The following PCSK2 variants were observed in gnomAD, a reference collection of about 807,000 sequenced individuals.
PCSK2 encodes the protein proprotein convertase subtilisin/kexin type 2, also known as neuroendocrine convertase 2.
In PCSK2, 14 loss-of-function variants were observed where a neutral mutation model predicts 69.7. That is an observed-to-expected ratio of 0.20 (90% CI 0.13 to 0.31). The LOEUF (loss-of-function observed/expected upper bound fraction) is 0.31. Among genes scored for constraint, PCSK2 ranks in the 10% least tolerant of loss-of-function variants. The pLI, the probability that PCSK2 is intolerant of heterozygous loss-of-function variation, is 1.00. For missense variants in PCSK2, 544 were observed against 842.5 expected, an observed-to-expected ratio of 0.65 and a Z score of 4.39; for synonymous variants, 307 against 320.7, an observed-to-expected ratio of 0.96 and a Z score of 0.46.
Position 17,268,031 on chromosome 20 carries a change from G to GTATATATATATATATA in PCSK2, c.282+7688_282+7689insATATATATATATATAT, listed in dbSNP as rs750234336. Among the ~76,000 whole-genome samples the GTATATATATATATATA allele has an allele frequency of 6.7e-3, 784 of 117,666 alleles. 19 individuals carry two copies. The highest frequency in any genetic ancestry group is 8.3e-3 in the African/African-American group (284 of 34,096). 77.2% of individuals were successfully genotyped at this position (117,666 alleles called of 152,430 possible). Reference sequence around the variant, plus strand: ...AAGGAAATGCATTTATATATCCAATGTGTATATATATATATATATATATAT... The same window carrying GTATATATATATATATA: ...AAGGAAATGCATTTATATATCCAATGTATATATATATATATATGTATATATATATATATATATATAT... On this transcript the variant is annotated intron_variant, in intron 2 of 11. Transcript: ENST00000262545.
intron 2 of PCSK2, among the ~76,000 whole-genome samples, chr20:17,266,718 T>C (rs1193080772): frequency 6.6e-6 from 1 of 152,096 alleles, no homozygotes; most frequent in Non-Finnish European, 1.5e-5. Flanking sequence ...CCTCAGTCAA[T>C]TTTACAGGAA....
intron 5 of PCSK2, among the ~76,000 whole-genome samples, chr20:17,378,389 G>A (rs2030989576): frequency 6.6e-6 from 1 of 152,046 alleles, no homozygotes; most frequent in Non-Finnish European, 1.5e-5. Flanking sequence ...TTAAAAAGTA[G>A]CCCACATCAT....
At chr20:17,318,515 A>G in intron 2 of PCSK2, among the ~76,000 whole-genome samples, 1 of 152,356 alleles carries the variant, frequency 6.6e-6, no homozygotes, top group Non-Finnish European at 1.5e-5. Context: ...TGCATTGTAT[A>G]TGAGTTGGGT....
intron 2 of PCSK2, among the ~76,000 whole-genome samples, chr20:17,290,016 A>T (rs1324570945): frequency 6.6e-6 from 1 of 152,230 alleles, no homozygotes; most frequent in Non-Finnish European, 1.5e-5. Flanking sequence ...TTTTTAATAC[A>T]TCTCTGTCAA....
intron 2 of PCSK2, among the ~76,000 whole-genome samples, chr20:17,354,853 C>G (rs1164334941): frequency 1.3e-5 from 2 of 151,896 alleles, no homozygotes; most frequent in Non-Finnish European, 2.9e-5. Context: ...GAATGAGAAC[C>G]CAGAACAATA....
intron 8 of PCSK2, among the ~76,000 whole-genome samples, chr20:17,445,651 G>GA (rs2032683644): frequency 6.6e-6 from 1 of 152,232 alleles, no homozygotes; most frequent in Admixed American, 6.5e-5. Flanking sequence ...GCCTCCTGCT[G>GA]AAATTTAATC....
At chr20:17,349,599 A>G (rs1258578981) in intron 2 of PCSK2, among the ~76,000 whole-genome samples, 1 of 151,998 alleles carries the variant, frequency 6.6e-6, no homozygotes, top group Non-Finnish European at 1.5e-5. Flanking sequence ...CCTGTGTCCC[A>G]TATGGATGCG....
At chr20:17,342,012 G>T (rs979005534) in intron 2 of PCSK2, among the ~76,000 whole-genome samples, 1 of 152,160 alleles carries the variant, frequency 6.6e-6, no homozygotes, top group South Asian at 2.1e-4. Context: ...TGGCCACAGG[G>T]GTAATTGATT....
intron 5 of PCSK2, among the ~76,000 whole-genome samples, chr20:17,371,912 C>T (rs1420837480): frequency 6.6e-6 from 1 of 152,004 alleles, no homozygotes; most frequent in East Asian, 1.9e-4. Context: ...CAAGCCATAC[C>T]ATGCTAAGGA....
At chr20:17,291,030 A>T (rs1394123694) in intron 2 of PCSK2, among the ~76,000 whole-genome samples, 1 of 152,082 alleles carries the variant, frequency 6.6e-6, no homozygotes, top group Non-Finnish European at 1.5e-5. Flanking sequence ...CCACCTCTTA[A>T]TATTGTTACA....
At chr20:17,290,137 C>T (rs1416117817) in intron 2 of PCSK2, among the ~76,000 whole-genome samples, 1 of 151,850 alleles carries the variant, frequency 6.6e-6, no homozygotes, top group Non-Finnish European at 1.5e-5. Flanking sequence ...AATTTTTTTC[C>T]ACATATTTCT....
chr20:17,335,892 G>GTGTGTA (rs1252767610), intron 2 of PCSK2, among the ~76,000 whole-genome samples: 2 of 148,678 alleles, frequency 1.3e-5, no homozygotes, highest in Non-Finnish European at 3.0e-5. Flanking sequence ...GTGTGTGTGT[G>GTGTGTA]TATCATATTT....
At chr20:17,318,364 T>C (rs1439880564) in intron 2 of PCSK2, among the ~76,000 whole-genome samples, 1 of 152,080 alleles carries the variant, frequency 6.6e-6, no homozygotes, top group Non-Finnish European at 1.5e-5. Flanking sequence ...ACATTTAAGA[T>C]CCAAAATGTA....
At position 17,441,822 on chromosome 20, in the gene PCSK2, C is replaced by T. The variant is rs148550150; in HGVS notation, c.885+4939C>T. Among the ~76,000 whole-genome samples, 17 of 152,136 alleles carry T rather than the reference C, an allele frequency of 1.1e-4. No individual in the cohort carries two copies. The South Asian group carries it at 1.5e-3, about 13-fold the overall frequency. Reference sequence around the variant, plus strand: ...AGATTTGGGTGGGGGCACAGCCAAACGGCATCAGCACCTCTTCTGTTGTGG... The same window carrying T: ...AGATTTGGGTGGGGGCACAGCCAAATGGCATCAGCACCTCTTCTGTTGTGG... On this transcript the variant is annotated intron_variant, in intron 8 of 11. Coordinates refer to ENST00000262545, the MANE Select transcript of PCSK2 (RefSeq NM_002594.5).
At chr20:17,345,079 A>T (rs557635038) in intron 2 of PCSK2, among the ~76,000 whole-genome samples, 2 of 152,290 alleles carry the variant, frequency 1.3e-5, no homozygotes, top group East Asian at 3.9e-4. Context: ...AATCTTTTCA[A>T]ATAGAGACAT....
chr20:17,357,101 G>A (rs2021933), intron 2 of PCSK2, among the ~76,000 whole-genome samples: 114,128 of 152,158 alleles, frequency 0.75, 43,056 homozygotes, highest in African/African-American at 0.82. Context: ...GTACATGTTC[G>A]GAGACTGGCC....
intron 2 of PCSK2, among the ~76,000 whole-genome samples, chr20:17,276,699 T>G (rs1988093071): frequency 6.6e-6 from 1 of 152,104 alleles, no homozygotes; most frequent in Non-Finnish European, 1.5e-5. Flanking sequence ...TTCAACATAG[T>G]GTTGGAAGTT....
At chr20:17,340,186 G>A (rs1411978035) in intron 2 of PCSK2, among the ~76,000 whole-genome samples, 1 of 152,190 alleles carries the variant, frequency 6.6e-6, no homozygotes, top group Admixed American at 6.5e-5. Flanking sequence ...CGGCATGGAG[G>A]AAGAGTCATG....
chr20:17,450,189 C>T (rs953972925), intron 8 of PCSK2, among the ~76,000 whole-genome samples: 5 of 151,824 alleles, frequency 3.3e-5, no homozygotes, highest in East Asian at 1.9e-4. Flanking sequence ...CCACCTCGCC[C>T]GGCTAATTTT....
Sources: gnomAD v4.1 joint callset for allele counts (sites outside exome capture counted in the v4.1 genomes callset) on GRCh38, gnomAD v4.1.1 for gene constraint, MANE v1.5 for transcripts, NCBI Gene and HGNC (gene_info 2026-07-23, HGNC 2026-07-21) for gene names.